Variants in RHBDD2 observed in about 807,000 individuals in gnomAD.
The protein encoded by RHBDD2 is rhomboid domain containing 2.
Under a neutral mutation model 21.7 loss-of-function variants are expected in RHBDD2, and 13 were observed. The ratio of observed to expected loss-of-function variants is 0.60; its 90% CI spans 0.39 to 0.95. The LOEUF (loss-of-function observed/expected upper bound fraction) is 0.95, where lower values mean the gene tolerates loss of function less well. RHBDD2 is among the 40% of genes least tolerant of loss of function. The pLI, the probability that RHBDD2 is intolerant of heterozygous loss-of-function variation, is 0.00. For synonymous variants in RHBDD2, 225 were observed against 220.0 expected, an observed-to-expected ratio of 1.02 and a Z score of -0.20; for missense variants, 473 against 478.9, an observed-to-expected ratio of 0.99 and a Z score of 0.11.
Position 75,888,359 on chromosome 7 carries a change from T to C in RHBDD2, c.*10T>C. 1 of 1,598,306 alleles carries C rather than the reference T, an allele frequency of 6.3e-7. No homozygotes were observed. Among genetic ancestry groups the C allele is most frequent in the Non-Finnish European group, 8.5e-7 (1 of 1,172,250 alleles). On this transcript the variant is annotated 3_prime_UTR_variant, in exon 4 of 4. Transcript: ENST00000006777. The stretch of plus-strand genomic sequence containing the variant: ...GGTCCCCATGCCCTGAGAGAATTTC[T>C]AGGGAAGTCATCTCACTTGGCCTTC...
chr7:75,879,517 C>T (rs995201586), intron 1 of RHBDD2, among the ~76,000 whole-genome samples: 9 of 152,218 alleles, frequency 5.9e-5, no homozygotes, highest in Non-Finnish European at 1.3e-4. Flanking sequence ...TGTTCCCTTC[C>T]CTGTCGCCAC....
chr7:75,887,981 T>C lies in RHBDD2; in HGVS notation c.738-11T>C. 1 of 1,606,156 alleles carries C rather than the reference T, an allele frequency of 6.2e-7. No homozygotes were observed. The highest frequency in any genetic ancestry group is 8.5e-7 in the Non-Finnish European group (1 of 1,174,482). On this transcript the variant is annotated splice_polypyrimidine_tract_variant and intron_variant, in intron 3 of 3. Transcript: ENST00000006777. ...CGCTGAAGGACCATTTTCTCTCTTG[T>C]TCCATTCCAGACTGAACCCGGTGCC...
rs1337505265 is a variant in RHBDD2 at position 75,881,717 on chromosome 7, C to G, written c.179-112C>G. 36 of 1,153,462 alleles carry G rather than the reference C, an allele frequency of 3.1e-5. 1 individual carries two copies. In the South Asian group the frequency reaches 4.5e-4, roughly 15 times the overall value. 71.5% of individuals were successfully genotyped at this position (1,153,462 alleles called of 1,614,324 possible). A position where few individuals can be genotyped will look rare whatever the true frequency, so the allele number is the denominator to read the frequency against. On this transcript the variant is annotated intron_variant, in intron 1 of 3. Transcript: ENST00000006777. ...TGCCTCCTGCTGCGACTCACTGGCT[C>G]TCACTTCTCTGTCACGGAGGGGGGC...
In RHBDD2 at chr7:75,882,013, A is replaced by G; in HGVS notation, c.363A>G (p.Ser121=). 3 of 1,614,224 alleles carry G rather than the reference A, an allele frequency of 1.9e-6. No homozygotes were observed. The highest frequency in any genetic ancestry group is 2.5e-6 in the Non-Finnish European group (3 of 1,180,038). ...TCTTCCTGTCATTCGAGGCTGTGTC[A>G]TCACTGTCAAAGCTGGGGGAAGTGG... ...AIIFLSFEAV[S]SLSKLGEVED... The change falls in exon 2 of 4, where the codon TCA becomes TCG. Residue 121 remains serine (S), a synonymous_variant. Coordinates refer to ENST00000006777, the MANE Select transcript of RHBDD2 (RefSeq NM_001040456.3).
intron 1 of RHBDD2, among the ~76,000 whole-genome samples, chr7:75,880,464 G>C (rs575068922): frequency 6.6e-6 from 1 of 152,206 alleles, no homozygotes; most frequent in Admixed American, 6.5e-5. Flanking sequence ...CCCTGGGTGT[G>C]GGTTTCGTGG....
chr7:75,888,541 A>T lies in RHBDD2; in HGVS notation c.*192A>T, dbSNP rs1177715121. The T allele has an allele frequency of 3.7e-6, 2 of 546,370 alleles. No individual in the cohort carries two copies. The highest frequency in any genetic ancestry group is 6.5e-6 in the Non-Finnish European group (2 of 308,878). The allele number at this position is 546,370 out of a possible 1,614,324, so 33.8% of individuals were successfully genotyped here. ...TACGGTGTACTGGCCCAGCTTACAGATGCAGAAAGCGAGACGTTCTGCCAT... is the reference window on the plus strand; with the variant it reads ...TACGGTGTACTGGCCCAGCTTACAGTTGCAGAAAGCGAGACGTTCTGCCAT... On this transcript the variant is annotated 3_prime_UTR_variant, in exon 4 of 4. Coordinates refer to ENST00000006777, the MANE Select transcript of RHBDD2 (RefSeq NM_001040456.3).
chr7:75,884,253 G>A (rs542202902), intron 3 of RHBDD2, among the ~76,000 whole-genome samples: 72 of 152,068 alleles, frequency 4.7e-4, no homozygotes, highest in African/African-American at 1.7e-3. Flanking sequence ...ACAGGGTCTT[G>A]CCCTGTTGCC....
intron 1 of RHBDD2, chr7:75,881,274 A>C: frequency 8.8e-7 from 1 of 1,138,362 alleles, no homozygotes; most frequent in African/African-American, 1.6e-5. Context: ...GAGGAGACTT[A>C]TAATTTCTAT....
chr7:75,887,659 G>C (rs990895707), intron 3 of RHBDD2, among the ~76,000 whole-genome samples: 1 of 152,036 alleles, frequency 6.6e-6, no homozygotes, highest in Non-Finnish European at 1.5e-5. Flanking sequence ...TGTCGAGCCA[G>C]CCACACAGGC....
chr7:75,879,400 C>T (rs540432395), intron 1 of RHBDD2, 140 bp downstream of exon 1: 18 of 795,844 alleles, frequency 2.3e-5, no homozygotes, highest in Non-Finnish European at 2.9e-5. Context: ...ACCATGCCCG[C>T]CCCCCGGAGG....
intron 1 of RHBDD2, among the ~76,000 whole-genome samples, chr7:75,880,522 A>C (rs1427354963): frequency 3.3e-5 from 5 of 151,850 alleles, no homozygotes; most frequent in African/African-American, 9.7e-5. Context: ...CCTCAATCTA[A>C]CTCTTGTTAC....
chr7:75,882,303 G>T, intron 2 of RHBDD2, 67 bp downstream of exon 2: 1 of 1,410,630 alleles, frequency 7.1e-7, no homozygotes, highest in Non-Finnish European at 9.5e-7. Context: ...GGAGGGTCTG[G>T]GGTGTCAAGT....
intron 3 of RHBDD2, among the ~76,000 whole-genome samples, chr7:75,887,098 A>G (rs1805721092): frequency 6.7e-6 from 1 of 150,296 alleles, no homozygotes; most frequent in Admixed American, 6.6e-5. Flanking sequence ...GGCCGTTTGG[A>G]CAGCTTGTCT....
chr7:75,881,479 C>T, intron 1 of RHBDD2: 1 of 1,307,178 alleles, frequency 7.7e-7, no homozygotes, highest in Non-Finnish European at 1.0e-6. Flanking sequence ...CTCAAACTGC[C>T]CAGTGAGGTA....
chr7:75,888,834 C>G lies in RHBDD2; in HGVS notation c.*485C>G, dbSNP rs1554544743. 6.0e-6 allele frequency: 1 copy of G among 167,326 alleles called. No individual in the cohort carries two copies. Among genetic ancestry groups the G allele is most frequent in the Admixed American group, 5.7e-5 (1 of 17,396 alleles). The allele number at this position is 167,326 out of a possible 1,614,324, so 10.4% of individuals were successfully genotyped here. Reference sequence around the variant, plus strand: ...GCGCCCCCACCCCGATTCCTCTCCCCAGAAGCGGTGGGATGGGCCCCCATG... The same window carrying G: ...GCGCCCCCACCCCGATTCCTCTCCCGAGAAGCGGTGGGATGGGCCCCCATG... On this transcript the variant is annotated 3_prime_UTR_variant, in exon 4 of 4. Coordinates refer to ENST00000006777, the MANE Select transcript of RHBDD2 (RefSeq NM_001040456.3).
At chr7:75,886,467 G>A (rs1314345507) in intron 3 of RHBDD2, among the ~76,000 whole-genome samples, 2 of 152,130 alleles carry the variant, frequency 1.3e-5, no homozygotes, top group South Asian at 4.1e-4. Flanking sequence ...GTCTCCAGCT[G>A]TATCTCACAT....
At chr7:75,881,401 A>G (rs1279564207) in intron 1 of RHBDD2, 1 of 1,293,254 alleles carries the variant, frequency 7.7e-7, no homozygotes, top group African/African-American at 1.5e-5. Flanking sequence ...ACAGCAGAGG[A>G]GACTGGCACA....
rs372184812 is a variant in RHBDD2, at chr7:75,886,307, G to A, written c.738-1685G>A. 4.6e-5 allele frequency among the ~76,000 whole-genome samples: 7 copies of A among 152,172 alleles called. No individual in the cohort carries two copies. The East Asian group carries it at 1.2e-3, about 25-fold the overall frequency. On this transcript the variant is annotated intron_variant, in intron 3 of 3. Coordinates refer to ENST00000006777, the MANE Select transcript of RHBDD2 (RefSeq NM_001040456.3). ...GGGAAAACAGAAATGCGGACTCACC[G>A]CATTATTGCTTCAGGCAAGTAATTC...
In RHBDD2 at chr7:75,883,897, AT is replaced by A. The variant is rs376586770; in HGVS notation, c.737+51del. Reference sequence around the variant, plus strand: ...CTGTTAAATCTTTTTTAAAAAAAAAATTATTTTTTTTTTTTGAGACGGAGTC... The same window carrying A: ...CTGTTAAATCTTTTTTAAAAAAAAAATATTTTTTTTTTTTGAGACGGAGTC... On this transcript the variant is annotated intron_variant, in intron 3 of 3. Coordinates refer to ENST00000006777, the MANE Select transcript of RHBDD2 (RefSeq NM_001040456.3). 1,125 of 1,490,480 alleles carry A rather than the reference AT, an allele frequency of 7.5e-4. 5 individuals are homozygous for A. The Middle Eastern group carries it at 8.8e-3, about 12-fold the overall frequency. The allele number at this position is 1,490,480 out of a possible 1,614,324, so 92.3% of individuals were successfully genotyped here.
Sources: allele counts gnomAD v4.1 joint callset (sites outside exome capture counted in the v4.1 genomes callset), GRCh38; gene constraint gnomAD v4.1.1; transcripts MANE v1.5; gene names NCBI Gene and HGNC (gene_info 2026-07-23, HGNC 2026-07-21).